DOCK9: variants seen among roughly 807,000 people sequenced by gnomAD.
DOCK9 encodes the protein dedicator of cytokinesis protein 9.
A neutral mutation model predicts 263.3 loss-of-function variants in DOCK9; 89 were observed. That is an observed-to-expected ratio of 0.34 (90% CI 0.28 to 0.40). The LOEUF (loss-of-function observed/expected upper bound fraction) is 0.40. Ranked by LOEUF, DOCK9 falls within the 10% of genes least tolerant of loss-of-function variation. The pLI, the probability that DOCK9 is intolerant of heterozygous loss-of-function variation, is 1.00. For missense variants in DOCK9, 2,140 were observed against 2,603.4 expected (o/e 0.82, Z 3.87); for synonymous variants, 976 against 973.1 (o/e 1.00, Z -0.06).
At chr13:99,002,729 T>A (rs1188643764) in intron 1 of DOCK9, among the ~76,000 whole-genome samples, 2 of 152,204 alleles carry the variant, frequency 1.3e-5, no homozygotes, top group African/African-American at 2.4e-5. Flanking sequence ...TGTCCTGACT[T>A]CACCTTTCTG....
chr13:98,912,915 C>A (rs1448280445), intron 9 of DOCK9, among the ~76,000 whole-genome samples: 1 of 152,210 alleles, frequency 6.6e-6, no homozygotes, highest in Non-Finnish European at 1.5e-5. Flanking sequence ...AAATTATGAA[C>A]CCCCAAACAT....
chr13:98,922,926 A>G (rs528173487), intron 5 of DOCK9, among the ~76,000 whole-genome samples: 46 of 152,316 alleles, frequency 3.0e-4, no homozygotes, highest in African/African-American at 1.1e-3. Flanking sequence ...ACTAAAAGCA[A>G]TCATTGAAGA....
upstream of DOCK9, among the ~76,000 whole-genome samples, chr13:98,978,781 T>C (rs1184897193): frequency 6.6e-6 from 1 of 152,096 alleles, no homozygotes; most frequent in Non-Finnish European, 1.5e-5. Context: ...AGAGCAGACA[T>C]CATAAATGAC....
rs2140899579 is a variant in DOCK9, at chr13:98,829,172, T to C, written c.4965+135A>G. 2 of 766,734 alleles carry C rather than the reference T, an allele frequency of 2.6e-6. No homozygotes were observed. The highest frequency in any genetic ancestry group is 4.1e-6 in the Non-Finnish European group (2 of 485,118). 47.5% of individuals were successfully genotyped at this position (766,734 alleles called of 1,614,324 possible). The stretch of plus-strand genomic sequence containing the variant: ...AACTATGAAGTCACCCTAAGCTTCA[T>C]ACTGTTTAAAGTTTTGCATACTTTT... On this transcript the variant is annotated intron_variant, in intron 43 of 52. Coordinates refer to ENST00000682017, the MANE Select transcript of DOCK9 (RefSeq NM_001366683.2). The surrounding 1 kb of genome is among the most constrained non-coding windows in gnomAD (Gnocchi z 4.1).
At chr13:98,853,580 C>T (rs555471984) in intron 34 of DOCK9, 58 bp from the exon 35 acceptor site, 3 of 1,222,186 alleles carry the variant, frequency 2.5e-6, no homozygotes, top group Non-Finnish European at 3.6e-6. Flanking sequence ...ACGTGTTTCC[C>T]TTTTCTCCCT....
intron 1 of DOCK9, among the ~76,000 whole-genome samples, chr13:98,959,829 T>C (rs2058441642): frequency 6.6e-6 from 1 of 152,208 alleles, no homozygotes. Flanking sequence ...CACACCACTG[T>C]ATCTACCAAA....
intron 49 of DOCK9, among the ~76,000 whole-genome samples, chr13:98,802,318 A>C (rs536326219): frequency 3.1e-4 from 47 of 152,216 alleles, no homozygotes; most frequent in Non-Finnish European, 6.5e-4. Context: ...GAACATGGTC[A>C]GTGTGCAATA....
At chr13:98,810,741 C>A (rs2091227081) in intron 45 of DOCK9, among the ~76,000 whole-genome samples, 1 of 152,080 alleles carries the variant, frequency 6.6e-6, no homozygotes. Context: ...GTGTGGGGGG[C>A]ACCGTGCCTG....
intron 7 of DOCK9, among the ~76,000 whole-genome samples, chr13:98,917,226 C>G (rs1225357235): frequency 1.3e-5 from 2 of 152,150 alleles, no homozygotes; most frequent in African/African-American, 4.8e-5. Context: ...CAGCAAAACT[C>G]TCTTATAAAA....
At chr13:98,864,607 C>T (rs1001332691) in intron 30 of DOCK9, among the ~76,000 whole-genome samples, 29 of 152,272 alleles carry the variant, frequency 1.9e-4, no homozygotes, top group Admixed American at 1.3e-4. Context: ...TAAGTCATAG[C>T]TTGAGTTCAC....
chr13:98,945,478 C>A (rs7331595), intron 2 of DOCK9, among the ~76,000 whole-genome samples: 63,490 of 151,700 alleles, frequency 0.42, 13,650 homozygotes, highest in East Asian at 0.55. Context: ...TTGCTCTTTC[C>A]TCCTCTGGGC....
intron 8 of DOCK9, 100 bp downstream of exon 8, chr13:98,915,229 A>G: frequency 8.4e-7 from 1 of 1,188,608 alleles, no homozygotes; most frequent in Non-Finnish European, 1.2e-6. Context: ...CCCACCTCTC[A>G]TGTACTTGTG....
intron 1 of DOCK9, among the ~76,000 whole-genome samples, chr13:99,026,725 G>A (rs1350929774): frequency 6.6e-6 from 1 of 151,254 alleles, no homozygotes; most frequent in African/African-American, 2.4e-5. Flanking sequence ...ATACCAATTG[G>A]AGAAAAAAAT....
At chr13:98,863,201 A>G (rs2093926572) in intron 31 of DOCK9, 69 bp from the exon 32 acceptor site, 14 of 1,508,336 alleles carry the variant, frequency 9.3e-6, no homozygotes, top group Non-Finnish European at 1.3e-5. Flanking sequence ...GGTGCTGACC[A>G]TCTCCTTTAT....
intron 1 of DOCK9, among the ~76,000 whole-genome samples, chr13:98,970,736 T>C (rs1368871223): frequency 6.6e-6 from 1 of 152,204 alleles, no homozygotes; most frequent in Non-Finnish European, 1.5e-5. Flanking sequence ...TTACAGGGTA[T>C]TTCAAACTTC....
chr13:98,984,873 C>G (rs971578837), intron 1 of DOCK9, among the ~76,000 whole-genome samples: 2 of 152,062 alleles, frequency 1.3e-5, no homozygotes, highest in African/African-American at 4.8e-5. Flanking sequence ...TTGATAATAT[C>G]TGGGGAAAAA....
intron 2 of DOCK9, among the ~76,000 whole-genome samples, chr13:98,947,296 C>A (rs1209670303): frequency 6.6e-6 from 1 of 152,050 alleles, no homozygotes; most frequent in Non-Finnish European, 1.5e-5. Context: ...AAGCTGAGTC[C>A]TTTCACAAGT....
intron 1 of DOCK9, among the ~76,000 whole-genome samples, chr13:99,060,333 T>C (rs1027095683): frequency 1.3e-5 from 2 of 152,066 alleles, no homozygotes; most frequent in African/African-American, 2.4e-5. Flanking sequence ...TGCCTCGGCC[T>C]CCCAAAGTGC....
At chr13:98,818,213 A>C (rs2092029232) in intron 45 of DOCK9, among the ~76,000 whole-genome samples, 2 of 152,218 alleles carry the variant, frequency 1.3e-5, no homozygotes, top group Non-Finnish European at 2.9e-5. Context: ...CCAACTCTAT[A>C]CCTAATCCTT....
Sources: gnomAD v4.1 joint callset for allele counts (sites outside exome capture counted in the v4.1 genomes callset) on GRCh38, gnomAD v4.1.1 for gene constraint, Gnocchi (gnomAD v3.1) non-coding constraint, MANE v1.5 for transcripts, NCBI Gene and HGNC (gene_info 2026-07-23, HGNC 2026-07-21) for gene names.